The following ZNG1E variants were observed in gnomAD, a reference collection of about 807,000 sequenced individuals.
ZNG1E encodes the protein zinc-regulated GTPase metalloprotein activator 1E.
At chr9:65,709,956 T>A in the ZNG1E span, among the ~76,000 whole-genome samples, 1 of 151,328 alleles carries the variant, frequency 6.6e-6, no homozygotes, top group Non-Finnish European at 1.5e-5. Context: ...TTGAACTAGT[T>A]TACAGTCCCG....
the ZNG1E span, among the ~76,000 whole-genome samples, chr9:65,691,863 A>T: frequency 6.7e-6 from 1 of 149,086 alleles, no homozygotes; most frequent in East Asian, 2.0e-4. Flanking sequence ...CCTTTTTAAA[A>T]ACCAGTCGAA....
At chr9:65,672,475 G>T in the ZNG1E span, among the ~76,000 whole-genome samples, 1 of 149,400 alleles carries the variant, frequency 6.7e-6, no homozygotes, top group Non-Finnish European at 1.5e-5. Flanking sequence ...GCCCGGCACA[G>T]TGGCTCACGC....
chr9:65,684,550 G>GCACACACACACA, the ZNG1E span, among the ~76,000 whole-genome samples: 64 of 132,722 alleles, frequency 4.8e-4, no homozygotes, highest in African/African-American at 1.8e-3. Flanking sequence ...ACACACGCAC[G>GCACACACACACA]CACACACACA....
the ZNG1E span, among the ~76,000 whole-genome samples, chr9:65,677,466 G>A: frequency 6.6e-6 from 1 of 152,220 alleles, no homozygotes; most frequent in Non-Finnish European, 1.5e-5. Flanking sequence ...ACACACCTGT[G>A]TAATTTCTAT....
the ZNG1E span, among the ~76,000 whole-genome samples, chr9:65,721,112 C>CTTCATCTTACCATGA: frequency 1.4e-5 from 2 of 147,576 alleles, no homozygotes; most frequent in African/African-American, 5.2e-5. Context: ...ACGCAGTACT[C>CTTCATCTTACCATGA]ACTTACCATG....
At chr9:65,668,483 T>A in the ZNG1E span, among the ~76,000 whole-genome samples, 1 of 150,782 alleles carries the variant, frequency 6.6e-6, no homozygotes. Context: ...AATTTATATA[T>A]AAATACTATA....
the ZNG1E span, among the ~76,000 whole-genome samples, chr9:65,714,702 ACCTCCCAGG>A: frequency 6.8e-6 from 1 of 146,892 alleles, no homozygotes; most frequent in African/African-American, 2.7e-5. Flanking sequence ...CCAGGGGGTG[ACCTCCCAGG>A]GGGTCAGGGG....
chr9:65,709,259 A>G, the ZNG1E span, among the ~76,000 whole-genome samples: 5,066 of 139,818 alleles, frequency 0.036, 4 homozygotes, highest in Admixed American at 0.048. Flanking sequence ...CATGAAATAC[A>G]TGGAAAATTT....
At chr9:65,662,074 A>G in the ZNG1E span, among the ~76,000 whole-genome samples, 1 of 152,220 alleles carries the variant, frequency 6.6e-6, no homozygotes, top group African/African-American at 2.4e-5. Flanking sequence ...TGACAAAGTT[A>G]ACATTCTAGT....
At chr9:65,676,555 C>A in the ZNG1E span, among the ~76,000 whole-genome samples, 1 of 149,080 alleles carries the variant, frequency 6.7e-6, no homozygotes, top group South Asian at 2.1e-4. Flanking sequence ...ATGTCCGACA[C>A]GTGGGGCTTT....
chr9:65,685,279 G>T, the ZNG1E span, among the ~76,000 whole-genome samples: 2 of 152,258 alleles, frequency 1.3e-5, no homozygotes, highest in Non-Finnish European at 1.5e-5. Flanking sequence ...GGTTGGGGTG[G>T]CTATGGCAAT....
chr9:65,673,784 G>A, the ZNG1E span, among the ~76,000 whole-genome samples: 8 of 152,414 alleles, frequency 5.2e-5, no homozygotes, highest in South Asian at 2.1e-4. Flanking sequence ...CCTGCTGGGC[G>A]ACAGAGTGAG....
chr9:65,714,858 T>C, the ZNG1E span, among the ~76,000 whole-genome samples: 1 of 151,998 alleles, frequency 6.6e-6, no homozygotes, highest in Non-Finnish European at 1.5e-5. Context: ...TTTGTGTGTC[T>C]GTGCCCTGCC....
the ZNG1E span, among the ~76,000 whole-genome samples, chr9:65,714,735 T>C: frequency 2.0e-5 from 3 of 151,298 alleles, no homozygotes; most frequent in South Asian, 6.2e-4. Flanking sequence ...GGGACCCACT[T>C]GAGGAGGCAG....
chr9:65,703,482 C>A, the ZNG1E span: 1 of 805,430 alleles, frequency 1.2e-6, no homozygotes, highest in Non-Finnish European at 1.5e-6. Flanking sequence ...GGTTCTGTTC[C>A]TAAAACATCT....
At chr9:65,690,941 A>T in the ZNG1E span, 1 of 1,596,022 alleles carries the variant, frequency 6.3e-7, no homozygotes, top group Middle Eastern at 2.3e-4. Flanking sequence ...AAATATTTTT[A>T]TTTGATGAAT....
At chr9:65,723,547 G>A in the ZNG1E span, among the ~76,000 whole-genome samples, 107 of 146,716 alleles carry the variant, frequency 7.3e-4, no homozygotes, top group African/African-American at 2.7e-3. Context: ...GTCCCTGGTG[G>A]CCAGATATTA....
chr9:65,679,819 G>C, the ZNG1E span, among the ~76,000 whole-genome samples: 1 of 152,150 alleles, frequency 6.6e-6, no homozygotes, highest in African/African-American at 2.4e-5. Context: ...TCCCAAAGTT[G>C]CTGGGATTAC....
At chr9:65,661,915 T>C in the ZNG1E span, among the ~76,000 whole-genome samples, 1 of 152,274 alleles carries the variant, frequency 6.6e-6, no homozygotes, top group Non-Finnish European at 1.5e-5. Flanking sequence ...TTAATAAAGC[T>C]GTAATTTTGA....
Sources: gnomAD v4.1 joint callset for allele counts (sites outside exome capture counted in the v4.1 genomes callset) on GRCh38, gnomAD v4.1.1 for gene constraint, MANE v1.5 for transcripts, NCBI Gene and HGNC (gene_info 2026-07-23, HGNC 2026-07-21) for gene names.